AGBL4: variants seen among roughly 807,000 people sequenced by gnomAD.
AGBL4 encodes the protein AGBL carboxypeptidase 4.
A neutral mutation model predicts 66.4 loss-of-function variants in AGBL4; 58 were observed. The observed-to-expected ratio is 0.87, with a 90% CI of 0.71 to 1.09. The LOEUF (loss-of-function observed/expected upper bound fraction) is 1.09, where lower values mean the gene tolerates loss of function less well. Among genes scored for constraint, AGBL4 ranks in the 50% least tolerant of loss-of-function variants. AGBL4 has a pLI of 0.00. For missense variants in AGBL4, 579 were observed against 631.0 expected (o/e 0.92, Z 0.88); for synonymous variants, 234 against 222.9 (o/e 1.05, Z -0.44).
At chr1:48,754,066 C>T (rs1219835913) in intron 6 of AGBL4, among the ~76,000 whole-genome samples, 1 of 152,174 alleles carries the variant, frequency 6.6e-6, no homozygotes, top group Admixed American at 6.5e-5. Flanking sequence ...CCTTGAGAGT[C>T]TTATTTGAAC....
rs561470858 is a variant in AGBL4 at position 48,818,175 on chromosome 1, C to T, written c.634+49016G>A. Reference sequence around the variant, plus strand: ...ATCTGATAGTCAAATTTGGAAAGGCCACCATTCTCCTTCAGAAGCAAATGA... The same window carrying T: ...ATCTGATAGTCAAATTTGGAAAGGCTACCATTCTCCTTCAGAAGCAAATGA... On this transcript the variant is annotated intron_variant, in intron 6 of 13. Transcript: ENST00000371839. 2.0e-4 allele frequency: 140 copies of T among 716,918 alleles called. 1 individual carries two copies. The highest frequency in any genetic ancestry group is 3.3e-4 in the Non-Finnish European group (127 of 384,976). The allele number at this position is 716,918 out of a possible 1,614,324, so 44.4% of individuals were successfully genotyped here.
chr1:49,395,538 G>C (rs1339638744), intron 3 of AGBL4, among the ~76,000 whole-genome samples: 2 of 143,792 alleles, frequency 1.4e-5, no homozygotes, highest in East Asian at 4.3e-4. Context: ...ACACTAGTGT[G>C]TGTGTGTGTG....
At chr1:49,364,477 A>G (rs1409885325) in intron 3 of AGBL4, among the ~76,000 whole-genome samples, 1 of 151,844 alleles carries the variant, frequency 6.6e-6, no homozygotes, top group Non-Finnish European at 1.5e-5. Flanking sequence ...CCATGAGAGT[A>G]GTTTTTTTTT....
In AGBL4 at chr1:48,736,775, A is replaced by G. The variant is rs530848307; in HGVS notation, c.635-73534T>C. Among the ~76,000 whole-genome samples, 92 of 152,330 alleles carry G rather than the reference A, an allele frequency of 6.0e-4. No homozygotes were observed. Among genetic ancestry groups the G allele is most frequent in the African/African-American group, 2.2e-3 (91 of 41,576 alleles). On this transcript the variant is annotated intron_variant, in intron 6 of 13. Transcript: ENST00000371839. This position sits in a 1 kb window ranked among gnomAD's most constrained non-coding sequence, Gnocchi z 4.0. ...ACTTGCTGAACATCATTCAACTAGT[A>G]AGTGGCAGAGTTGATATTCTACACT...
intron 3 of AGBL4, among the ~76,000 whole-genome samples, chr1:49,415,184 AAG>A (rs1161167759): frequency 1.3e-5 from 2 of 152,110 alleles, no homozygotes; most frequent in African/African-American, 4.8e-5. Flanking sequence ...ATTATGTCAA[AAG>A]AGAGGAACAG....
intron 9 of AGBL4, among the ~76,000 whole-genome samples, chr1:48,631,733 C>T (rs921410535): frequency 1.3e-5 from 2 of 152,042 alleles, no homozygotes; most frequent in Non-Finnish European, 2.9e-5. Flanking sequence ...AATTTATCAT[C>T]CAAATCAGAA....
chr1:48,789,990 A>G (rs1035929105), intron 6 of AGBL4, among the ~76,000 whole-genome samples: 3 of 152,226 alleles, frequency 2.0e-5, no homozygotes, highest in Admixed American at 2.0e-4. Context: ...TGCCTATCCA[A>G]GGAAGAAAGA....
At chr1:49,192,915 G>C (rs1023601419) in intron 4 of AGBL4, among the ~76,000 whole-genome samples, 1 of 152,144 alleles carries the variant, frequency 6.6e-6, no homozygotes, top group East Asian at 1.9e-4. Flanking sequence ...TTATTGGTCT[G>C]TCCAGGATTT....
intron 11 of AGBL4, among the ~76,000 whole-genome samples, chr1:48,571,018 C>T (rs543837443): frequency 7.2e-5 from 11 of 152,274 alleles, no homozygotes; most frequent in African/African-American, 2.4e-4. Flanking sequence ...CCCCATGAAG[C>T]GAGCACACAG....
At chr1:49,314,121 G>C (rs564822318) in intron 3 of AGBL4, among the ~76,000 whole-genome samples, 1 of 152,156 alleles carries the variant, frequency 6.6e-6, no homozygotes, top group Non-Finnish European at 1.5e-5. Context: ...CGATTAAATA[G>C]GGAATGCTTT....
chr1:49,621,356 G>A lies in AGBL4; in HGVS notation c.282+75957C>T, dbSNP rs183929969. On this transcript the variant is annotated intron_variant, in intron 3 of 13. Coordinates refer to ENST00000371839, the MANE Select transcript of AGBL4 (RefSeq NM_032785.4). ...GGAACTCACATTCTGTATTTGTCCCGATTGGCTATCAAACTAGAACTTTTT... is the reference window on the plus strand; with the variant it reads ...GGAACTCACATTCTGTATTTGTCCCAATTGGCTATCAAACTAGAACTTTTT... 1.6e-3 allele frequency among the ~76,000 whole-genome samples: 243 copies of A among 152,208 alleles called. 1 individual carries two copies. The highest frequency in any genetic ancestry group is 4.9e-3 in the African/African-American group (205 of 41,542).
chr1:49,191,833 G>A (rs1263046721), intron 4 of AGBL4, among the ~76,000 whole-genome samples: 2 of 152,140 alleles, frequency 1.3e-5, no homozygotes, highest in East Asian at 3.8e-4. Context: ...TGCTTTATAT[G>A]TATCACATTT....
chr1:48,700,828 G>A lies in AGBL4; in HGVS notation c.635-37587C>T, dbSNP rs1001765359. On this transcript the variant is annotated intron_variant, in intron 6 of 13. Transcript: ENST00000371839. ...TACAAGGCAGGAAACTGAGTCTCAGGGAGGTGATGAATACTGTCCATGGCA... is the reference window on the plus strand; with the variant it reads ...TACAAGGCAGGAAACTGAGTCTCAGAGAGGTGATGAATACTGTCCATGGCA... 2.7e-4 allele frequency among the ~76,000 whole-genome samples: 41 copies of A among 152,290 alleles called. 1 individual carries two copies. The highest frequency in any genetic ancestry group is 7.9e-4 in the African/African-American group (33 of 41,554).
chr1:48,553,344 T>G (rs1407630703), intron 11 of AGBL4, among the ~76,000 whole-genome samples: 1 of 152,158 alleles, frequency 6.6e-6, no homozygotes, highest in African/African-American at 2.4e-5. Context: ...AAGCTTCAAC[T>G]GGATGCACAG....
At chr1:48,718,564 G>C (rs909440282) in intron 6 of AGBL4, among the ~76,000 whole-genome samples, 33 of 152,198 alleles carry the variant, frequency 2.2e-4, no homozygotes, top group Admixed American at 1.6e-3. Flanking sequence ...CTTCCCACTA[G>C]TTTTGGAAAA....
At chr1:49,058,908 T>G (rs1644352947) in intron 4 of AGBL4, among the ~76,000 whole-genome samples, 1 of 152,166 alleles carries the variant, frequency 6.6e-6, no homozygotes, top group Non-Finnish European at 1.5e-5. Flanking sequence ...GAGAGATGAT[T>G]TAGCATATCT....
At chr1:49,494,719 A>C (rs1295811422) in intron 3 of AGBL4, among the ~76,000 whole-genome samples, 1 of 152,184 alleles carries the variant, frequency 6.6e-6, no homozygotes, top group African/African-American at 2.4e-5. Flanking sequence ...ATTGTGAATA[A>C]TGCCGCCATA....
intron 2 of AGBL4, among the ~76,000 whole-genome samples, chr1:49,707,721 T>C (rs1216529699): frequency 6.6e-6 from 1 of 152,160 alleles, no homozygotes; most frequent in East Asian, 1.9e-4. Flanking sequence ...TAGTGCTTCC[T>C]TCAGGAGCTC....
chr1:49,667,300 T>C (rs1646389956), intron 3 of AGBL4, among the ~76,000 whole-genome samples: 1 of 151,716 alleles, frequency 6.6e-6, no homozygotes, highest in African/African-American at 2.4e-5. Context: ...GTCAACAAAA[T>C]TACAAAAATT....
Sources: allele counts gnomAD v4.1 joint callset (sites outside exome capture counted in the v4.1 genomes callset), GRCh38; gene constraint gnomAD v4.1.1; non-coding constraint Gnocchi (gnomAD v3.1); transcripts MANE v1.5; gene names NCBI Gene and HGNC (gene_info 2026-07-23, HGNC 2026-07-21).